Variants in ITPR2 observed in about 807,000 individuals in gnomAD.
ITPR2 encodes the protein inositol 1,4,5-trisphosphate receptor type 2, also known as inositol 1,4,5-trisphosphate-gated calcium channel ITPR2.
Under a neutral mutation model 317.1 loss-of-function variants are expected in ITPR2, and 207 were observed. The observed-to-expected ratio is 0.65, with a 90% CI of 0.58 to 0.73. The LOEUF (loss-of-function observed/expected upper bound fraction) is 0.73, where lower values mean the gene tolerates loss of function less well. ITPR2 is among the 30% of genes least tolerant of loss of function. The probability of loss-of-function intolerance (pLI) is 0.00; values close to 1 mark genes in which losing one functional copy is unlikely to be tolerated. For synonymous variants in ITPR2, 1,156 were observed against 1,149.1 expected (o/e 1.01, Z -0.12); for missense variants, 2,613 against 3,284.0 (o/e 0.80, Z 4.99).
intron 2 of ITPR2, among the ~76,000 whole-genome samples, chr12:26,752,005 A>G (rs1949432053): frequency 6.6e-6 from 1 of 152,210 alleles, no homozygotes; most frequent in South Asian, 2.1e-4. Flanking sequence ...GGGTCAATGC[A>G]TATACAAAAT....
intron 48 of ITPR2, among the ~76,000 whole-genome samples, chr12:26,434,107 A>G (rs1941290327): frequency 6.6e-6 from 1 of 152,180 alleles, no homozygotes; most frequent in Non-Finnish European, 1.5e-5. Context: ...ATTAATGGGT[A>G]AAGAATGGCT....
At chr12:26,716,461 T>C (rs1948741793) in intron 5 of ITPR2, among the ~76,000 whole-genome samples, 1 of 152,164 alleles carries the variant, frequency 6.6e-6, no homozygotes, top group Admixed American at 6.6e-5. Flanking sequence ...CAGTCTGGAT[T>C]CATAAAGCTA....
chr12:26,559,962 A>G (rs560069694), intron 35 of ITPR2, among the ~76,000 whole-genome samples: 1 of 152,324 alleles, frequency 6.6e-6, no homozygotes, highest in African/African-American at 2.4e-5. Flanking sequence ...TGCAGTTTTA[A>G]TTATCCAACA....
At chr12:26,392,961 G>C (rs1241272410) in intron 54 of ITPR2, among the ~76,000 whole-genome samples, 1 of 152,158 alleles carries the variant, frequency 6.6e-6, no homozygotes, top group East Asian at 1.9e-4. Context: ...GAGCTAATCT[G>C]TGTCTCTGCT....
chr12:26,480,596 C>T (rs1942524189), intron 43 of ITPR2, among the ~76,000 whole-genome samples: 1 of 152,126 alleles, frequency 6.6e-6, no homozygotes, highest in South Asian at 2.1e-4. Flanking sequence ...AATCCCAGCA[C>T]TTTGGGAGGC....
intron 41 of ITPR2, among the ~76,000 whole-genome samples, chr12:26,484,890 T>C (rs1591821198): frequency 6.6e-6 from 1 of 152,114 alleles, no homozygotes. Flanking sequence ...TTTTTGTATT[T>C]TTTTTTAGTA....
chr12:26,515,769 A>G (rs1482596707), intron 37 of ITPR2, among the ~76,000 whole-genome samples: 1 of 151,862 alleles, frequency 6.6e-6, no homozygotes, highest in Non-Finnish European at 1.5e-5. Flanking sequence ...CGCAGTTCAT[A>G]TTTGTATCCA....
intron 45 of ITPR2, among the ~76,000 whole-genome samples, chr12:26,464,986 T>C (rs756007734): frequency 2.0e-5 from 3 of 152,184 alleles, no homozygotes; most frequent in Admixed American, 6.5e-5. Context: ...AGCAAGCAGT[T>C]GGAGGAACAA....
intron 55 of ITPR2, among the ~76,000 whole-genome samples, chr12:26,344,285 T>C (rs1938232771): frequency 6.6e-6 from 1 of 152,158 alleles, no homozygotes; most frequent in African/African-American, 2.4e-5. Flanking sequence ...AGCAGCATTC[T>C]GGGAGAGATT....
chr12:26,391,555 C>CTTT (rs1491173931), intron 54 of ITPR2, among the ~76,000 whole-genome samples: 1,686 of 70,818 alleles, frequency 0.024, 498 homozygotes, highest in South Asian at 0.049. Context: ...TTCTTCTTTT[C>CTTT]CTTTTTTTTT....
chr12:26,782,783 A>C (rs1473223320), intron 2 of ITPR2, among the ~76,000 whole-genome samples: 1 of 152,252 alleles, frequency 6.6e-6, no homozygotes, highest in Non-Finnish European at 1.5e-5. Flanking sequence ...ATGTTCAATA[A>C]ATCTTAGTTG....
At chr12:26,369,296 AT>A (rs1312417192) in intron 55 of ITPR2, among the ~76,000 whole-genome samples, 1 of 151,948 alleles carries the variant, frequency 6.6e-6, no homozygotes, top group African/African-American at 2.4e-5. Context: ...GATTTTTTTC[AT>A]TTTTTTCTTT....
chr12:26,566,787 T>G (rs1311337202), intron 34 of ITPR2, among the ~76,000 whole-genome samples: 1 of 152,148 alleles, frequency 6.6e-6, no homozygotes, highest in Non-Finnish European at 1.5e-5. Flanking sequence ...AAGCATGCAA[T>G]ATCTCTGTTT....
chr12:26,699,884 TG>T (rs748789989), intron 9 of ITPR2, among the ~76,000 whole-genome samples: 9 of 152,198 alleles, frequency 5.9e-5, no homozygotes, highest in Non-Finnish European at 1.2e-4. Flanking sequence ...CATGGTCATA[TG>T]GAGGTCTTTT....
rs185113994 is a variant in ITPR2 at position 26,800,113 on chromosome 12, T to C, written c.93-9886A>G. 4.9e-4 allele frequency among the ~76,000 whole-genome samples: 74 copies of C among 152,168 alleles called. No individual in the cohort carries two copies. The East Asian group carries it at 0.012, about 25-fold the overall frequency. On this transcript the variant is annotated intron_variant, in intron 1 of 56. Transcript: ENST00000381340. ...CTCTCTTCTTCCAAGTACAGACACC[T>C]CCCCCACCCCAGGTTTCTGTCTGCT...
chr12:26,725,520 A>G (rs544803550), intron 3 of ITPR2, 130 bp downstream of exon 3: 8 of 636,196 alleles, frequency 1.3e-5, no homozygotes, highest in Non-Finnish European at 2.2e-5. Context: ...TCTACTTTCA[A>G]TGTGTTGCTA....
At chr12:26,821,738 A>G (rs1340422221) in intron 1 of ITPR2, among the ~76,000 whole-genome samples, 1 of 152,234 alleles carries the variant, frequency 6.6e-6, no homozygotes, top group Admixed American at 6.5e-5. Context: ...AGCTTTTGAG[A>G]TCAAATAGTA....
At chr12:26,554,013 TG>T (rs1944597054) in intron 36 of ITPR2, among the ~76,000 whole-genome samples, 1 of 152,214 alleles carries the variant, frequency 6.6e-6, no homozygotes, top group Non-Finnish European at 1.5e-5. Context: ...TTCATGTGCG[TG>T]TGGGATCTGC....
intron 55 of ITPR2, among the ~76,000 whole-genome samples, chr12:26,341,519 A>C (rs527403875): frequency 6.6e-6 from 1 of 152,362 alleles, no homozygotes; most frequent in East Asian, 1.9e-4. Context: ...TTGTTGTTGC[A>C]TCAGAGAATA....
Sources: allele counts gnomAD v4.1 joint callset (sites outside exome capture counted in the v4.1 genomes callset), GRCh38; gene constraint gnomAD v4.1.1; transcripts MANE v1.5; gene names NCBI Gene and HGNC (gene_info 2026-07-23, HGNC 2026-07-21).